Variants in MROH2B observed in about 807,000 individuals in gnomAD.
MROH2B encodes maestro heat-like repeat-containing protein family member 2B.
MROH2B carries 177 observed loss-of-function variants against 208.6 expected under a neutral mutation model. The observed-to-expected ratio is 0.85, with a 90% CI of 0.75 to 0.96. The LOEUF is 0.96. MROH2B is among the 40% of genes least tolerant of loss of function. MROH2B has a pLI of 0.00. For synonymous variants in MROH2B, 728 were observed against 659.0 expected (o/e 1.10, Z -1.60); for missense variants, 2,002 against 1,878.7 (o/e 1.07, Z -1.21).
At chr5:41,031,541 T>C (rs963330552) in intron 24 of MROH2B, among the ~76,000 whole-genome samples, 1 of 152,114 alleles carries the variant, frequency 6.6e-6, no homozygotes, top group Non-Finnish European at 1.5e-5. Context: ...AAAAAATTTT[T>C]GTGATTTCCC....
At chr5:41,040,755 TC>T (rs1742920180) in intron 19 of MROH2B, among the ~76,000 whole-genome samples, 1 of 152,100 alleles carries the variant, frequency 6.6e-6, no homozygotes, top group Non-Finnish European at 1.5e-5. Flanking sequence ...CAACCTCCCC[TC>T]CTGGGTTCAC....
chr5:41,024,037 C>T (rs1244139799), intron 24 of MROH2B, among the ~76,000 whole-genome samples: 1 of 152,126 alleles, frequency 6.6e-6, no homozygotes, highest in Non-Finnish European at 1.5e-5. Context: ...GAAGGAAGCA[C>T]TAAACATGGT....
chr5:41,032,724 C>T lies in MROH2B; in HGVS notation c.2441+18G>A, dbSNP rs1043698052. The T allele has an allele frequency of 2.5e-6, 4 of 1,604,334 alleles. No homozygotes were observed. In the Admixed American group the frequency reaches 5.1e-5, roughly 20 times the overall value. On this transcript the variant is annotated intron_variant, in intron 24 of 41. Transcript: ENST00000399564. ...GGGGAAAATACTTTTTCAATGAAAA[C>T]AACTAAAAATTATCTACCTGAGATA... is the stretch of plus-strand genomic sequence containing the variant.
intron 13 of MROH2B, among the ~76,000 whole-genome samples, chr5:41,049,771 A>T (rs1212942069): frequency 6.6e-6 from 1 of 152,178 alleles, no homozygotes; most frequent in Non-Finnish European, 1.5e-5. Flanking sequence ...CCTCTTGTCA[A>T]TGTGACAACC....
At chr5:41,035,348 C>A (rs1339169292) in intron 21 of MROH2B, among the ~76,000 whole-genome samples, 2 of 152,032 alleles carry the variant, frequency 1.3e-5, no homozygotes, top group Non-Finnish European at 2.9e-5. Context: ...GGACTCCCTA[C>A]TCAATAAATA....
At chr5:41,000,643 A>G (rs1188159829) in intron 38 of MROH2B, 35 bp downstream of exon 38, 1 of 1,583,464 alleles carries the variant, frequency 6.3e-7, no homozygotes. Flanking sequence ...CCATGGGGAG[A>G]GCAGGAGGTG....
chr5:41,042,108 A>G lies in MROH2B; in HGVS notation c.1937T>C (p.Leu646Pro). ...GGGTCCCACCTGTCTTTGATCCCCC[A>G]GTTGGTTGGGAGCAGTCAGAAACTC... ...IKEFLTAPNQLGDQRQGITSI... is the reference protein window; with the variant it reads ...IKEFLTAPNQPGDQRQGITSI... Residue 646 changes from leucine to proline, a missense_variant, in exon 19 of 42, where the codon CTG (leucine) becomes CCG (proline). Coordinates refer to ENST00000399564, the MANE Select transcript of MROH2B (RefSeq NM_173489.5). 1 of 1,588,768 alleles carries G rather than the reference A, an allele frequency of 6.3e-7. No homozygotes were observed.
At chr5:40,998,472 T>C in intron 41 of MROH2B, 140 bp downstream of exon 41, 2 of 689,562 alleles carry the variant, frequency 2.9e-6, no homozygotes. Flanking sequence ...GGAGAAATTC[T>C]AGTGTCTAGA....
At chr5:41,007,249 C>A in intron 34 of MROH2B, 65 bp downstream of exon 34, 2 of 1,355,662 alleles carry the variant, frequency 1.5e-6, no homozygotes, top group South Asian at 4.0e-5. Context: ...CTGTATTGCA[C>A]TTTTGTTTGT....
chr5:41,002,572 G>GT (rs1284215416), intron 37 of MROH2B, among the ~76,000 whole-genome samples: 5 of 152,338 alleles, frequency 3.3e-5, no homozygotes, highest in Middle Eastern at 6.8e-3. Context: ...ATAGATCATA[G>GT]AGTTAAATAT....
At chr5:40,999,885 C>A in intron 39 of MROH2B, 106 bp from the exon 40 acceptor site, 2 of 937,420 alleles carry the variant, frequency 2.1e-6, no homozygotes, top group Non-Finnish European at 1.6e-6. Context: ...AGTGAGCACT[C>A]ACACAGCCAT....
Position 41,045,745 on chromosome 5 carries a change from C to G in MROH2B, c.1836+1G>C. On this transcript the variant is annotated splice_donor_variant, in intron 18 of 41. Coordinates refer to ENST00000399564, the MANE Select transcript of MROH2B (RefSeq NM_173489.5). LOFTEE classifies it high-confidence loss of function. ...GGTTTCCCCTCAGCTGAAAAACCAA[C>G]CTTCTCAGTGGAGTTATTGCTGTAA... is the stretch of plus-strand genomic sequence containing the variant. The G allele has an allele frequency of 6.2e-7, 1 of 1,612,752 alleles. No individual in the cohort carries two copies. Among genetic ancestry groups the G allele is most frequent in the Non-Finnish European group, 8.5e-7 (1 of 1,179,024 alleles).
At chr5:41,022,934 G>T (rs1447736222) in intron 24 of MROH2B, among the ~76,000 whole-genome samples, 1 of 151,940 alleles carries the variant, frequency 6.6e-6, no homozygotes, top group Non-Finnish European at 1.5e-5. Flanking sequence ...GGCAAACAGG[G>T]TCTGGAGTGG....
At chr5:41,005,413 A>ACCCC (rs1554046603) in intron 35 of MROH2B, 118 bp downstream of exon 35, 12 of 204,672 alleles carry the variant, frequency 5.9e-5, no homozygotes, top group Admixed American at 1.3e-4. Context: ...CCTCTATGAA[A>ACCCC]CCCCCCCCCC....
chr5:41,058,180 G>A lies in MROH2B; in HGVS notation c.639C>T (p.His213=), dbSNP rs779094899. ...GCAGCAGCAAGCTCACCGTGGGCCC[G>A]TGGGCCTTAACGATGCTCAAAGTCT... ...PMQTLSIVKA[H]GPTVSLLLHR... Residue 213 remains histidine, a synonymous_variant, in exon 7 of 42, where the codon CAC becomes CAT. Coordinates refer to ENST00000399564, the MANE Select transcript of MROH2B (RefSeq NM_173489.5). 7 of 1,598,068 alleles carry A rather than the reference G, an allele frequency of 4.4e-6. No homozygotes were observed. Among genetic ancestry groups the A allele is most frequent in the South Asian group, 2.3e-5 (2 of 88,272 alleles).
intron 30 of MROH2B, among the ~76,000 whole-genome samples, chr5:41,010,852 T>G (rs1433574425): frequency 6.6e-6 from 1 of 152,130 alleles, no homozygotes; most frequent in Non-Finnish European, 1.5e-5. Context: ...ATATTGACAG[T>G]CGGGAGGCTG....
In MROH2B at chr5:41,055,854, G is replaced by GAGA. The variant is rs1179871230; in HGVS notation, c.920_921insTCT (p.Ala307_His308insLeu). On this transcript the variant is annotated inframe_insertion and splice_region_variant, in exon 10 of 42. Coordinates refer to ENST00000399564, the MANE Select transcript of MROH2B (RefSeq NM_173489.5). ...CCATCAGCTCTCCAGGATTGGAATG[G>GAGA]GCTGCAGGTTCAAGAAACACTAGAG... is the stretch of plus-strand genomic sequence containing the variant. The GAGA allele has an allele frequency of 6.2e-7, 1 of 1,607,856 alleles. No individual in the cohort carries two copies. The highest frequency in any genetic ancestry group is 8.5e-7 in the Non-Finnish European group (1 of 1,174,500).
rs113745317 is a variant in MROH2B at position 41,037,730 on chromosome 5, A to T, written c.2214+1006T>A. On this transcript the variant is annotated intron_variant, in intron 21 of 41. Transcript: ENST00000399564. ...GGAGAAGCAGATGTGCACGTAATCA[A>T]TGAAAGCCTCCCACATTGATCTATA... is the stretch of plus-strand genomic sequence containing the variant. Among the ~76,000 whole-genome samples, 623 of 152,322 alleles carry T rather than the reference A, an allele frequency of 4.1e-3. 5 individuals carry two copies. Among genetic ancestry groups the T allele is most frequent in the African/African-American group, 0.014 (590 of 41,574 alleles).
intron 3 of MROH2B, among the ~76,000 whole-genome samples, chr5:41,066,706 A>T (rs1743824260): frequency 1.3e-5 from 2 of 152,342 alleles, no homozygotes; most frequent in Admixed American, 1.3e-4. Context: ...AATTACTTCT[A>T]CAAATTATTA....
Sources: allele counts gnomAD v4.1 joint callset (sites outside exome capture counted in the v4.1 genomes callset), GRCh38; gene constraint gnomAD v4.1.1; transcripts MANE v1.5; gene names NCBI Gene and HGNC (gene_info 2026-07-23, HGNC 2026-07-21).